Variants in CCBE1 observed in about 807,000 individuals in gnomAD.
The protein encoded by CCBE1 is collagen and calcium binding EGF domains 1, also known as collagen and calcium-binding EGF domain-containing protein 1.
A neutral mutation model predicts 50.0 loss-of-function variants in CCBE1; 37 were observed. That is an observed-to-expected ratio of 0.74 (90% CI 0.57 to 0.97). The LOEUF (loss-of-function observed/expected upper bound fraction) is 0.97, where lower values mean the gene tolerates loss of function less well. Among genes scored for constraint, CCBE1 ranks in the 50% least tolerant of loss-of-function variants. The pLI, the probability that CCBE1 is intolerant of heterozygous loss-of-function variation, is 0.00. For synonymous variants in CCBE1, 234 were observed against 203.7 expected, an observed-to-expected ratio of 1.15 and a Z score of -1.27; for missense variants, 538 against 523.8, an observed-to-expected ratio of 1.03 and a Z score of -0.26.
Position 59,522,858 on chromosome 18 carries a change from G to A in CCBE1, c.213-42620C>T, listed in dbSNP as rs990842602. On this transcript the variant is annotated intron_variant, in intron 2 of 10. Transcript: ENST00000439986. Reference sequence around the variant, plus strand: ...ATACAAAAAATTAGCCGGGCGTGGTGGCGGGCGCCTGTAGTCCCAGCTACT... The same window carrying A: ...ATACAAAAAATTAGCCGGGCGTGGTAGCGGGCGCCTGTAGTCCCAGCTACT... Among the ~76,000 whole-genome samples the A allele has an allele frequency of 3.9e-5, 6 of 152,048 alleles. No homozygotes were observed. In the South Asian group the frequency reaches 6.3e-4, roughly 16 times the overall value.
chr18:59,507,522 G>A (rs112670447), intron 2 of CCBE1, among the ~76,000 whole-genome samples: 3 of 152,190 alleles, frequency 2.0e-5, no homozygotes, highest in African/African-American at 7.2e-5. Context: ...GCCACCCTCT[G>A]TCTGGCTTCT....
intron 2 of CCBE1, among the ~76,000 whole-genome samples, chr18:59,528,003 C>T (rs1262266924): frequency 6.6e-6 from 1 of 152,094 alleles, no homozygotes; most frequent in East Asian, 1.9e-4. Flanking sequence ...CTCTGGATTT[C>T]CTGAATTAGA....
At position 59,495,418 on chromosome 18, in the gene CCBE1, G is replaced by A. The variant is rs1321737496; in HGVS notation, c.213-15180C>T. 2.1e-4 allele frequency among the ~76,000 whole-genome samples: 30 copies of A among 145,472 alleles called. 1 individual carries two copies. The East Asian group carries it at 2.9e-3, about 14-fold the overall frequency. On this transcript the variant is annotated intron_variant, in intron 2 of 10. Transcript: ENST00000439986. ...CTTTTTTTTTTTTTTTTTCCAGAGC[G>A]GGAAACAGAGGTTCAAAATAGGAAA...
chr18:59,672,697 C>T (rs111513418), intron 2 of CCBE1, among the ~76,000 whole-genome samples: 24 of 152,318 alleles, frequency 1.6e-4, no homozygotes, highest in African/African-American at 5.5e-4. Context: ...CAAGCCCATA[C>T]AATTGTGAGC....
rs1366747106 is a variant in CCBE1 at position 59,465,693 on chromosome 18, T to C, written c.553+1046A>G. The C allele has an allele frequency of 2.6e-5, 4 of 152,376 alleles. No homozygotes were observed. The East Asian group carries it at 5.8e-4, about 22-fold the overall frequency. The allele number at this position is 152,376 out of a possible 1,614,324, so 9.4% of individuals were successfully genotyped here. ...TTTAAACACTCTCAATTTTTGTTTT[T>C]ATCCAATTGTGAATCTTGCCTGTCC... On this transcript the variant is annotated intron_variant, in intron 5 of 10. Coordinates refer to ENST00000439986, the MANE Select transcript of CCBE1 (RefSeq NM_133459.4).
At chr18:59,668,403 C>T (rs570348587) in intron 2 of CCBE1, among the ~76,000 whole-genome samples, 14 of 143,114 alleles carry the variant, frequency 9.8e-5, no homozygotes, top group South Asian at 2.1e-4. Context: ...GGCGACAAAG[C>T]GAGACTCCAT....
chr18:59,519,261 G>A (rs1914500043), intron 2 of CCBE1, among the ~76,000 whole-genome samples: 1 of 152,162 alleles, frequency 6.6e-6, no homozygotes, highest in Non-Finnish European at 1.5e-5. Flanking sequence ...CACTCCTGGA[G>A]TTTCACCACA....
At chr18:59,446,183 C>T (rs552289449) in intron 7 of CCBE1, among the ~76,000 whole-genome samples, 402 of 152,342 alleles carry the variant, frequency 2.6e-3, no homozygotes, top group African/African-American at 9.2e-3. Context: ...ATCAAGGACC[C>T]TGGACAGCTC....
At chr18:59,697,470 C>T, upstream of CCBE1, 1 of 1,251,016 alleles carries the variant, frequency 8.0e-7, no homozygotes, top group Non-Finnish European at 1.1e-6. Flanking sequence ...TTTGCACCAC[C>T]TGCACGGGGA....
intron 2 of CCBE1, among the ~76,000 whole-genome samples, chr18:59,551,566 C>G (rs777204029): frequency 2.6e-4 from 39 of 152,324 alleles, no homozygotes; most frequent in Non-Finnish European, 5.1e-4. Flanking sequence ...CTTACAGGAC[C>G]CCCTGTCCTA....
intron 2 of CCBE1, among the ~76,000 whole-genome samples, chr18:59,548,728 G>A (rs1915802901): frequency 6.6e-6 from 1 of 152,086 alleles, no homozygotes; most frequent in South Asian, 2.1e-4. Flanking sequence ...GAGGCAGGCA[G>A]ATTACCTGAG....
chr18:59,663,759 C>T (rs1032919331), intron 2 of CCBE1, among the ~76,000 whole-genome samples: 3 of 152,044 alleles, frequency 2.0e-5, no homozygotes, highest in African/African-American at 7.2e-5. Flanking sequence ...ACAGGAGTTC[C>T]AATTCATGAG....
chr18:59,488,511 G>A (rs1020461285), intron 2 of CCBE1, among the ~76,000 whole-genome samples: 1 of 152,110 alleles, frequency 6.6e-6, no homozygotes, highest in African/African-American at 2.4e-5. Context: ...ATTAAATGGG[G>A]CTAAGGTAAC....
chr18:59,694,978 G>A (rs117005969), intron 2 of CCBE1, among the ~76,000 whole-genome samples: 60 of 152,256 alleles, frequency 3.9e-4, no homozygotes, highest in Non-Finnish European at 6.3e-4. Context: ...CACATGCCAA[G>A]GTGCTGCTAG....
At chr18:59,503,532 CT>C (rs765650423) in intron 2 of CCBE1, among the ~76,000 whole-genome samples, 35 of 152,318 alleles carry the variant, frequency 2.3e-4, no homozygotes, top group South Asian at 1.5e-3. Flanking sequence ...AGGACTGACA[CT>C]TGGAAATGTT....
chr18:59,519,527 C>A (rs1266694455), intron 2 of CCBE1, among the ~76,000 whole-genome samples: 1 of 152,006 alleles, frequency 6.6e-6, no homozygotes, highest in Non-Finnish European at 1.5e-5. Context: ...AAAAATAGCA[C>A]TCATTTGCTT....
Position 59,697,245 on chromosome 18 carries a change from C to T in CCBE1, c.98G>A (p.Trp33Ter), listed in dbSNP as rs1355306119. 2 of 1,549,250 alleles carry T rather than the reference C, an allele frequency of 1.3e-6. No individual in the cohort carries two copies. Among genetic ancestry groups the T allele is most frequent in the Non-Finnish European group, 1.7e-6 (2 of 1,146,736 alleles). The change falls in exon 1 of 11, where the codon TGG becomes TAG. Residue 33 changes from tryptophan to a stop codon, truncating the protein, a stop_gained. Coordinates refer to ENST00000439986, the MANE Select transcript of CCBE1 (RefSeq NM_133459.4). LOFTEE classifies it high-confidence loss of function. ...GTCCTCCGGCTCCTCTCTGTAGGTCCACGTGTGTCCCAACGCCAGGAGCAG... is the reference window on the plus strand; with the variant it reads ...GTCCTCCGGCTCCTCTCTGTAGGTCTACGTGTGTCCCAACGCCAGGAGCAG... Reference protein sequence around the residue: ...LLLLLALGHTWTYREEPEDGD... With the variant: ...LLLLLALGHT
chr18:59,603,596 T>A (rs1296572086), intron 2 of CCBE1, among the ~76,000 whole-genome samples: 2 of 152,254 alleles, frequency 1.3e-5, no homozygotes, highest in Non-Finnish European at 2.9e-5. Flanking sequence ...ACTAATTATA[T>A]GTTCCTGTGT....
intron 2 of CCBE1, among the ~76,000 whole-genome samples, chr18:59,609,384 A>T (rs1239014968): frequency 6.6e-6 from 1 of 152,180 alleles, no homozygotes; most frequent in Non-Finnish European, 1.5e-5. Context: ...CCAAATCTGT[A>T]ATTATCTTAA....
Sources: allele counts gnomAD v4.1 joint callset (sites outside exome capture counted in the v4.1 genomes callset), GRCh38; gene constraint gnomAD v4.1.1; transcripts MANE v1.5; gene names NCBI Gene and HGNC (gene_info 2026-07-23, HGNC 2026-07-21).